Variants in TAB2 observed in about 807,000 individuals in gnomAD.
The protein encoded by TAB2 is TGF-beta activated kinase 1 (MAP3K7) binding protein 2.
Under a neutral mutation model 65.0 loss-of-function variants are expected in TAB2, and 3 were observed. The ratio of observed to expected loss-of-function variants is 0.05; its 90% CI spans 0.02 to 0.12. The LOEUF (loss-of-function observed/expected upper bound fraction) is 0.12, where lower values mean the gene tolerates loss of function less well. TAB2 is among the 10% of genes least tolerant of loss of function. TAB2 has a pLI of 1.00. For synonymous variants in TAB2, 298 were observed against 285.1 expected, an observed-to-expected ratio of 1.05 and a Z score of -0.46; for missense variants, 623 against 840.3, an observed-to-expected ratio of 0.74 and a Z score of 3.20.
At chr6:149,328,880 G>T (rs1450450760) in intron 1 of TAB2, among the ~76,000 whole-genome samples, 1 of 152,108 alleles carries the variant, frequency 6.6e-6, no homozygotes, top group Admixed American at 6.5e-5. Context: ...AATCTTCCTA[G>T]GAAAGGTGAC....
chr6:149,403,811 A>G lies in TAB2; in HGVS notation c.1939+4627A>G, dbSNP rs1562456888. 1.3e-5 allele frequency among the ~76,000 whole-genome samples: 2 copies of G among 152,078 alleles called. 1 individual carries two copies. Among genetic ancestry groups the G allele is most frequent in the South Asian group, 4.1e-4 (2 of 4,828 alleles). ...CACCTTTTAAACAGCCAGATCTTTC[A>G]TGAACTCAGAGCAATATCTCACTCA... On this transcript the variant is annotated intron_variant, in intron 6 of 6. Transcript: ENST00000637181.
chr6:149,249,119 C>A (rs1777801712), intron 1 of TAB2, among the ~76,000 whole-genome samples: 1 of 147,296 alleles, frequency 6.8e-6, no homozygotes, highest in South Asian at 2.1e-4. Flanking sequence ...CAACTCTGCA[C>A]ACAGACACAC....
intron 1 of TAB2, among the ~76,000 whole-genome samples, chr6:149,278,973 G>A (rs1017447497): frequency 1.3e-5 from 2 of 152,126 alleles, no homozygotes; most frequent in South Asian, 4.1e-4. Context: ...TAAAGTTTCC[G>A]TGGACCCTAC....
chr6:149,300,228 C>T (rs1044453370), intron 1 of TAB2, among the ~76,000 whole-genome samples: 24 of 152,098 alleles, frequency 1.6e-4, no homozygotes, highest in Non-Finnish European at 2.6e-4. Flanking sequence ...ACATTGTTAA[C>T]AGTTATTCTG....
chr6:149,389,167 G>A (rs892563618), intron 3 of TAB2, among the ~76,000 whole-genome samples: 23 of 151,858 alleles, frequency 1.5e-4, no homozygotes, highest in Admixed American at 8.5e-4. Context: ...CGTTGGCCAG[G>A]ATGGTCTCAA....
At chr6:149,268,166 G>A (rs1351884837) in intron 1 of TAB2, among the ~76,000 whole-genome samples, 7 of 152,162 alleles carry the variant, frequency 4.6e-5, no homozygotes, top group Non-Finnish European at 1.0e-4. Context: ...GACGTCATCA[G>A]TTCAAGGGCT....
At chr6:149,280,039 T>C (rs1778544786) in intron 1 of TAB2, among the ~76,000 whole-genome samples, 1 of 152,208 alleles carries the variant, frequency 6.6e-6, no homozygotes, top group African/African-American at 2.4e-5. Context: ...TTTATTATTG[T>C]ACATCTTACC....
intron 1 of TAB2, among the ~76,000 whole-genome samples, chr6:149,324,204 G>C (rs1402957841): frequency 6.7e-6 from 1 of 149,610 alleles, no homozygotes; most frequent in African/African-American, 2.4e-5. Flanking sequence ...AGGTCCTGCA[G>C]AGAGAGAGAG....
At chr6:149,241,424 G>A (rs1042052181) in intron 1 of TAB2, among the ~76,000 whole-genome samples, 1 of 152,150 alleles carries the variant, frequency 6.6e-6, no homozygotes, top group Non-Finnish European at 1.5e-5. Context: ...TGTTTTTAAA[G>A]TGGCATTATA....
At chr6:149,358,593 A>G in intron 1 of TAB2, among the ~76,000 whole-genome samples, 1 of 130,008 alleles carries the variant, frequency 7.7e-6, no homozygotes, top group East Asian at 2.8e-4. Flanking sequence ...CAGTTTCACT[A>G]CAATACATCT....
intron 1 of TAB2, among the ~76,000 whole-genome samples, chr6:149,285,118 G>T (rs1025575446): frequency 7.9e-5 from 12 of 152,188 alleles, no homozygotes; most frequent in African/African-American, 2.7e-4. Context: ...CACTGGGCAG[G>T]TTATTTTACC....
At position 149,378,576 on chromosome 6, in the gene TAB2, A is replaced by G. The variant is rs765938014; in HGVS notation, c.661A>G (p.Thr221Ala). ...TATCTATATTAGGCCTTACATTACAACTCCTGGTGGTACAACTCGACAGAC... is the reference window on the plus strand; with the variant it reads ...TATCTATATTAGGCCTTACATTACAGCTCCTGGTGGTACAACTCGACAGAC... The part of the protein sequence containing the change: ...NSIYIRPYIT[T>A]PGGTTRQTQQ... Residue 221 changes from threonine (T) to alanine (A), a missense_variant, in exon 3 of 7, where the codon ACT becomes GCT. Thr to Ala is a moderately conservative substitution (Grantham distance 58). Around this residue, in one of 3 missense-constraint regions of TAB2, gnomAD observed 550 missense variants for 665.7 expected, o/e 0.83. Coordinates refer to ENST00000637181, the MANE Select transcript of TAB2 (RefSeq NM_001292034.3). The G allele has an allele frequency of 4.3e-6, 7 of 1,613,408 alleles. No homozygotes were observed. Among genetic ancestry groups the G allele is most frequent in the Admixed American group, 1.7e-5 (1 of 59,974 alleles).
chr6:149,376,083 G>A (rs1781387069), intron 2 of TAB2, among the ~76,000 whole-genome samples: 1 of 152,052 alleles, frequency 6.6e-6, no homozygotes, highest in Non-Finnish European at 1.5e-5. Context: ...TTTCTGTCAG[G>A]TTCTTAATCT....
At chr6:149,403,673 A>G (rs923970943) in intron 6 of TAB2, among the ~76,000 whole-genome samples, 1 of 152,012 alleles carries the variant, frequency 6.6e-6, no homozygotes, top group Non-Finnish European at 1.5e-5. Context: ...GAAGCGTGTC[A>G]CTGACATCTG....
intron 1 of TAB2, among the ~76,000 whole-genome samples, chr6:149,260,494 G>C (rs542447503): frequency 6.6e-6 from 1 of 152,222 alleles, no homozygotes; most frequent in Non-Finnish European, 1.5e-5. Flanking sequence ...CTCCGGAGGA[G>C]AGCTGTTGCA....
intron 1 of TAB2, among the ~76,000 whole-genome samples, chr6:149,282,677 G>T (rs12197002): frequency 0.04 from 6,113 of 152,290 alleles, 149 homozygotes; most frequent in Non-Finnish European, 0.046. Context: ...GTGATTAAGA[G>T]CATTATTCAC....
chr6:149,340,015 T>A (rs1274480282), intron 1 of TAB2, among the ~76,000 whole-genome samples: 4 of 152,236 alleles, frequency 2.6e-5, no homozygotes, highest in African/African-American at 9.6e-5. Context: ...ATTCAGATTC[T>A]ACTGACATAT....
intron 1 of TAB2, among the ~76,000 whole-genome samples, chr6:149,367,135 A>T (rs1366403833): frequency 6.6e-6 from 1 of 152,128 alleles, no homozygotes; most frequent in African/African-American, 2.4e-5. Flanking sequence ...CCTTGATCCC[A>T]TGGGGCTAAT....
intron 1 of TAB2, among the ~76,000 whole-genome samples, chr6:149,327,314 C>T (rs1318361483): frequency 6.6e-6 from 1 of 152,068 alleles, no homozygotes; most frequent in Admixed American, 6.5e-5. Flanking sequence ...TCATAGTTGC[C>T]TGGTTAATTT....
Sources: gnomAD v4.1 joint callset for allele counts (sites outside exome capture counted in the v4.1 genomes callset) on GRCh38, gnomAD v4.1.1 for gene constraint, gnomAD v4.1.1 regional missense constraint, MANE v1.5 for transcripts, NCBI Gene and HGNC (gene_info 2026-07-23, HGNC 2026-07-21) for gene names.